NLRP1: variants seen among roughly 807,000 people sequenced by gnomAD.
NLRP1 encodes NLR family pyrin domain containing 1.
NLRP1 carries 94 observed loss-of-function variants against 136.7 expected under a neutral mutation model. That is an observed-to-expected ratio of 0.69 (90% CI 0.58 to 0.82). The LOEUF is 0.82. Ranked by LOEUF, NLRP1 falls within the 40% of genes least tolerant of loss-of-function variation. The pLI is 0.00. For synonymous variants in NLRP1, 690 were observed against 725.1 expected (o/e 0.95, Z 0.78); for missense variants, 1,575 against 1,802.7 (o/e 0.87, Z 2.29).
intron 5 of NLRP1, among the ~76,000 whole-genome samples, chr17:5,546,399 T>C (rs984862732): frequency 1.3e-5 from 2 of 152,212 alleles, no homozygotes; most frequent in Non-Finnish European, 2.9e-5. Flanking sequence ...GTCCTTTCTC[T>C]TCTGTTCCAG....
chr17:5,529,758 C>CT (rs879549965), intron 12 of NLRP1: 2,442 of 195,538 alleles, frequency 0.012, 1 homozygote, highest in South Asian at 0.028. Flanking sequence ...TTTAAGGTTA[C>CT]TTTTTTTTTT....
intron 5 of NLRP1, among the ~76,000 whole-genome samples, chr17:5,549,285 T>C (rs1913039110): frequency 6.6e-6 from 1 of 152,188 alleles, no homozygotes; most frequent in Non-Finnish European, 1.5e-5. Flanking sequence ...TAGTTTTTTT[T>C]TTTTTTCTTT....
At chr17:5,571,695 A>C (rs1904370577) in intron 3 of NLRP1, among the ~76,000 whole-genome samples, 1 of 152,266 alleles carries the variant, frequency 6.6e-6, no homozygotes, top group South Asian at 2.1e-4. Context: ...TACAGATTCA[A>C]TGCTATTCCT....
intron 5 of NLRP1, among the ~76,000 whole-genome samples, chr17:5,548,150 C>T (rs1912909329): frequency 6.6e-6 from 1 of 152,232 alleles, no homozygotes; most frequent in South Asian, 2.1e-4. Flanking sequence ...ATCTCACACT[C>T]TACTATGGCC....
At chr17:5,575,478 T>A (rs1904919742) in intron 3 of NLRP1, among the ~76,000 whole-genome samples, 1 of 152,114 alleles carries the variant, frequency 6.6e-6, no homozygotes, top group Admixed American at 6.5e-5. Flanking sequence ...GCAATCCTAG[T>A]CTCTGATAAA....
chr17:5,539,046 T>C (rs1911494670), intron 7 of NLRP1, among the ~76,000 whole-genome samples: 1 of 152,122 alleles, frequency 6.6e-6, no homozygotes, highest in South Asian at 2.1e-4. Flanking sequence ...AGTTTTTATA[T>C]TTTTAGTAGA....
Position 5,581,866 on chromosome 17 carries a change from G to A in NLRP1, c.645C>T (p.Tyr215=). 6.2e-7 allele frequency: 1 copy of A among 1,611,872 alleles called. No homozygotes were observed. The highest frequency in any genetic ancestry group is 8.5e-7 in the Non-Finnish European group (1 of 1,179,398). Residue 215 remains tyrosine (Y), a synonymous_variant, in exon 3 of 17, where the codon TAC becomes TAT. Coordinates refer to ENST00000572272, the MANE Select transcript of NLRP1 (RefSeq NM_033004.4). ...QWPLDETSGI[Y]YTEIRERERE... is the part of the protein sequence containing the mutation. ...AGCTCAGTAGGGTCTCACCTGTGTA[G>A]TAAATTCCTGACGTTTCATCCAGAG...
At chr17:5,538,213 G>A (rs895141206) in intron 7 of NLRP1, among the ~76,000 whole-genome samples, 2 of 152,146 alleles carry the variant, frequency 1.3e-5, no homozygotes, top group African/African-American at 4.8e-5. Flanking sequence ...AGCCACTCAT[G>A]GGCTTGCTCC....
intron 5 of NLRP1, among the ~76,000 whole-genome samples, chr17:5,546,536 TTGTC>T (rs1432465694): frequency 6.6e-6 from 1 of 152,176 alleles, no homozygotes; most frequent in Non-Finnish European, 1.5e-5. Flanking sequence ...AATTTCTCCT[TTGTC>T]TGCGTAATGT....
chr17:5,514,964 A>G lies in NLRP1; in HGVS notation c.4212T>C (p.His1404=), dbSNP rs767877420. Reference sequence around the variant, plus strand: ...ACTGCTCCTGGCTCAGCACCTGTCCATGCAGTTTGTCCAAGACAACCTCCA... The same window carrying G: ...ACTGCTCCTGGCTCAGCACCTGTCCGTGCAGTTTGTCCAAGACAACCTCCA... ...TSVEVVLDKL[H]GQVLSQEQYE... Residue 1404 remains histidine, a synonymous_variant, in exon 17 of 17, where the codon CAT becomes CAC. Transcript: ENST00000572272. The G allele has an allele frequency of 1.9e-5, 31 of 1,614,034 alleles. No individual in the cohort carries two copies. In the Admixed American group the frequency reaches 4.8e-4, roughly 25 times the overall value.
intron 5 of NLRP1, among the ~76,000 whole-genome samples, chr17:5,545,057 T>C (rs1567649893): frequency 1.3e-5 from 2 of 152,200 alleles, no homozygotes; most frequent in Admixed American, 1.3e-4. Context: ...TGTCTTTCCT[T>C]GCTCTCATAA....
intron 11 of NLRP1, among the ~76,000 whole-genome samples, chr17:5,530,998 C>T (rs913876083): frequency 6.6e-6 from 1 of 152,116 alleles, no homozygotes; most frequent in Non-Finnish European, 1.5e-5. Context: ...GCTTAGTACA[C>T]GCCTGGGAGC....
Position 5,560,768 on chromosome 17 carries a change from C to T in NLRP1, c.653-725G>A, listed in dbSNP as rs187349119. ...ATAATCTACCTTTCCTGGGTTTCCC[C>T]GCCTCACCATTCTCTCTTGTTGATG... On this transcript the variant is annotated intron_variant, in intron 3 of 16. Transcript: ENST00000572272. Among the ~76,000 whole-genome samples, 451 of 152,284 alleles carry T rather than the reference C, an allele frequency of 3.0e-3. 3 individuals carry two copies. Among genetic ancestry groups the T allele is most frequent in the African/African-American group, 0.01 (421 of 41,552 alleles).
rs115928004 is a variant in NLRP1, at chr17:5,576,653, G to A, written c.652+5206C>T. Among the ~76,000 whole-genome samples the A allele has an allele frequency of 7.4e-4, 112 of 151,510 alleles. 2 individuals carry two copies. The East Asian group carries it at 0.019, about 26-fold the overall frequency. ...TAATTAATAGCCTACCAATCCAGACGGATTCACAGCCAAATTCTACCAGAC... is the reference window on the plus strand; with the variant it reads ...TAATTAATAGCCTACCAATCCAGACAGATTCACAGCCAAATTCTACCAGAC... On this transcript the variant is annotated intron_variant, in intron 3 of 16. Transcript: ENST00000572272.
intron 12 of NLRP1, among the ~76,000 whole-genome samples, chr17:5,529,399 G>A (rs1356948852): frequency 1.5e-4 from 21 of 144,022 alleles, no homozygotes; most frequent in Admixed American, 1.3e-3. Flanking sequence ...ACAGAGTCTC[G>A]CTCTGTGGCC....
chr17:5,569,776 G>C (rs1915680613), intron 3 of NLRP1, among the ~76,000 whole-genome samples: 1 of 152,122 alleles, frequency 6.6e-6, no homozygotes, highest in Non-Finnish European at 1.5e-5. Context: ...GGGCCTAAGA[G>C]ACATCTACAG....
chr17:5,572,848 T>C (rs1395389590), intron 3 of NLRP1, among the ~76,000 whole-genome samples: 2 of 152,126 alleles, frequency 1.3e-5, no homozygotes, highest in East Asian at 1.9e-4. Context: ...GGTTCCAAGA[T>C]GGCCGAATAG....
intron 5 of NLRP1, among the ~76,000 whole-genome samples, chr17:5,549,424 G>A (rs982622640): frequency 3.9e-5 from 6 of 151,934 alleles, no homozygotes; most frequent in African/African-American, 7.3e-5. Context: ...GACTGTGGGC[G>A]TGTGCCACCA....
intron 12 of NLRP1, among the ~76,000 whole-genome samples, chr17:5,525,806 G>A (rs963833143): frequency 1.3e-5 from 2 of 152,172 alleles, no homozygotes; most frequent in African/African-American, 4.8e-5. Context: ...GATTGACTGG[G>A]TTTGTGTCTA....
Sources: allele counts gnomAD v4.1 joint callset (sites outside exome capture counted in the v4.1 genomes callset), GRCh38; gene constraint gnomAD v4.1.1; transcripts MANE v1.5; gene names NCBI Gene and HGNC (gene_info 2026-07-23, HGNC 2026-07-21).